Variants in SKIC3 observed in about 807,000 individuals in gnomAD.
The protein encoded by SKIC3 is SKI3 subunit of superkiller complex.
the SKIC3 span, among the ~76,000 whole-genome samples, chr5:95,537,966 A>G: frequency 6.6e-6 from 1 of 152,156 alleles, no homozygotes; most frequent in Non-Finnish European, 1.5e-5. Flanking sequence ...ATACCTCAAA[A>G]CAGTCTAGCA....
At chr5:95,485,159 A>C in the SKIC3 span, among the ~76,000 whole-genome samples, 114 of 152,338 alleles carry the variant, frequency 7.5e-4, no homozygotes, top group African/African-American at 2.7e-3. Context: ...GCACATTTTC[A>C]AACTATACAA....
At chr5:95,482,559 C>G in the SKIC3 span, 2 of 1,613,940 alleles carry the variant, frequency 1.2e-6, no homozygotes, top group Non-Finnish European at 1.7e-6. Context: ...TTTTGTGACT[C>G]CAGGAGTGGT....
chr5:95,492,402 C>T, the SKIC3 span, among the ~76,000 whole-genome samples: 37 of 151,050 alleles, frequency 2.4e-4, no homozygotes, highest in Non-Finnish European at 8.9e-5. Flanking sequence ...TTTGGGAGGC[C>T]GAGGCGGGCG....
At chr5:95,478,245 T>C in the SKIC3 span, 37 of 1,608,704 alleles carry the variant, frequency 2.3e-5, no homozygotes, top group Non-Finnish European at 3.0e-5. Flanking sequence ...CAAAGAAAGA[T>C]AAAAAAATCA....
At chr5:95,468,103 G>T in the SKIC3 span, 1 of 1,353,586 alleles carries the variant, frequency 7.4e-7, no homozygotes, top group Non-Finnish European at 1.0e-6. Context: ...TGTAGTGTCT[G>T]ATTATGATTT....
At chr5:95,509,113 T>C in the SKIC3 span, among the ~76,000 whole-genome samples, 4 of 152,212 alleles carry the variant, frequency 2.6e-5, no homozygotes, top group African/African-American at 7.2e-5. Flanking sequence ...TCTTCTAAGA[T>C]GTAATAATAG....
the SKIC3 span, chr5:95,503,983 T>C: frequency 6.2e-7 from 1 of 1,602,942 alleles, no homozygotes; most frequent in Non-Finnish European, 8.5e-7. Flanking sequence ...AAAGTAATTC[T>C]GGTGTGTATC....
the SKIC3 span, chr5:95,490,869 T>C: frequency 6.2e-7 from 1 of 1,611,276 alleles, no homozygotes; most frequent in African/African-American, 1.3e-5. Flanking sequence ...TCAAGAAATC[T>C]GAATTAAATC....
the SKIC3 span, chr5:95,478,138 A>C: frequency 3.0e-5 from 26 of 869,076 alleles, 1 homozygote; most frequent in African/African-American, 2.5e-4. Flanking sequence ...TATGTCCATC[A>C]CAAACCCAAA....
chr5:95,499,373 C>T, the SKIC3 span, among the ~76,000 whole-genome samples: 1 of 152,142 alleles, frequency 6.6e-6, no homozygotes, highest in Non-Finnish European at 1.5e-5. Flanking sequence ...GTAAAACATG[C>T]CTGCTTCCCC....
chr5:95,509,835 TATA>T, the SKIC3 span: 3 of 638,598 alleles, frequency 4.7e-6, no homozygotes, highest in Non-Finnish European at 8.4e-6. Flanking sequence ...TTATCTTGAA[TATA>T]ATGTCAGTAA....
At chr5:95,529,708 C>T in the SKIC3 span, among the ~76,000 whole-genome samples, 30 of 152,194 alleles carry the variant, frequency 2.0e-4, no homozygotes, top group African/African-American at 6.7e-4. Context: ...AACATCATAC[C>T]TAGTAAGACT....
At chr5:95,502,728 C>T in the SKIC3 span, 1 of 859,474 alleles carries the variant, frequency 1.2e-6, no homozygotes, top group South Asian at 1.5e-5. Context: ...TCTGTAGCTC[C>T]ACCTGTGACT....
the SKIC3 span, among the ~76,000 whole-genome samples, chr5:95,519,651 A>AT: frequency 6.6e-6 from 1 of 152,078 alleles, no homozygotes; most frequent in African/African-American, 2.4e-5. Flanking sequence ...GAAGTAACTT[A>AT]TATCACCCTT....
chr5:95,512,823 C>A, the SKIC3 span: 2 of 572,640 alleles, frequency 3.5e-6, no homozygotes, highest in South Asian at 4.3e-5. Flanking sequence ...CCAATCCTAA[C>A]GAGAAGAATC....
the SKIC3 span, chr5:95,497,469 G>C: frequency 1.2e-6 from 2 of 1,613,506 alleles, no homozygotes; most frequent in South Asian, 1.1e-5. Flanking sequence ...AGAGACCAAA[G>C]AGCAGGGTCA....
chr5:95,523,895 A>C, the SKIC3 span: 1 of 1,477,224 alleles, frequency 6.8e-7, no homozygotes, highest in Admixed American at 1.7e-5. Context: ...GTATCTTTAC[A>C]AATACAGAAG....
chr5:95,467,182 A>G, the SKIC3 span, among the ~76,000 whole-genome samples: 1 of 152,162 alleles, frequency 6.6e-6, no homozygotes, highest in African/African-American at 2.4e-5. Context: ...GTTCAAAGAT[A>G]AAGTCCTGCA....
the SKIC3 span, among the ~76,000 whole-genome samples, chr5:95,488,002 C>T: frequency 6.6e-6 from 1 of 151,742 alleles, no homozygotes; most frequent in African/African-American, 2.4e-5. Context: ...TAAGAAATAA[C>T]CAAACAAATT....
Sources: gnomAD v4.1 joint callset for allele counts (sites outside exome capture counted in the v4.1 genomes callset) on GRCh38, gnomAD v4.1.1 for gene constraint, MANE v1.5 for transcripts, NCBI Gene and HGNC (gene_info 2026-07-23, HGNC 2026-07-21) for gene names.